TBL1XR1: variants seen among roughly 807,000 people sequenced by gnomAD.
TBL1XR1 encodes the protein TBL1X/Y related 1.
A neutral mutation model predicts 66.9 loss-of-function variants in TBL1XR1; 5 were observed. The observed-to-expected ratio is 0.07, with a 90% CI of 0.04 to 0.16. The LOEUF is 0.16. Ranked by LOEUF, TBL1XR1 falls within the 10% of genes least tolerant of loss-of-function variation. The pLI is 1.00. For synonymous variants in TBL1XR1, 210 were observed against 206.0 expected (o/e 1.02, Z -0.17); for missense variants, 238 against 623.2 (o/e 0.38, Z 6.58).
At chr3:177,163,063 C>T (rs1159347154) in intron 1 of TBL1XR1, among the ~76,000 whole-genome samples, 1 of 152,148 alleles carries the variant, frequency 6.6e-6, no homozygotes, top group African/African-American at 2.4e-5. Context: ...ATACAGATAT[C>T]CTTTTATGCA....
At chr3:177,104,946 C>G (rs894545495) in intron 1 of TBL1XR1, among the ~76,000 whole-genome samples, 1 of 152,156 alleles carries the variant, frequency 6.6e-6, no homozygotes. Flanking sequence ...CTTACAATGA[C>G]CCACAGAGTT....
At chr3:177,027,315 C>T (rs917387957) in intron 14 of TBL1XR1, 5 of 152,162 alleles carry the variant, frequency 3.3e-5, no homozygotes, top group Admixed American at 3.3e-4. Context: ...GTACACTATT[C>T]TTGAAAGACG....
Position 177,021,732 on chromosome 3 carries a change from T to C in TBL1XR1, c.*3766A>G, listed in dbSNP as rs1712399908. 6.6e-6 allele frequency: 1 copy of C among 152,600 alleles called. No individual in the cohort carries two copies. The highest frequency in any genetic ancestry group is 6.5e-5 in the Admixed American group (1 of 15,278). The allele number at this position is 152,600 out of a possible 1,614,324, so 9.5% of individuals were successfully genotyped here. A position where few individuals can be genotyped will look rare whatever the true frequency, so the allele number is the denominator to read the frequency against. On this transcript the variant is annotated 3_prime_UTR_variant, in exon 16 of 16. Coordinates refer to ENST00000457928, the MANE Select transcript of TBL1XR1 (RefSeq NM_024665.7). ...GTAGATTTGCTGCTATTCCACAAAA[T>C]GTTGGCATTTGCTGCCATGCCACAA...
intron 13 of TBL1XR1, among the ~76,000 whole-genome samples, chr3:177,033,420 G>A (rs898207272): frequency 3.3e-5 from 5 of 152,078 alleles, no homozygotes; most frequent in Admixed American, 2.6e-4. Flanking sequence ...AGTAGAAAAC[G>A]TAAATGTGCT....
chr3:177,045,802 C>G (rs1716252775), intron 10 of TBL1XR1, among the ~76,000 whole-genome samples: 1 of 152,070 alleles, frequency 6.6e-6, no homozygotes, highest in African/African-American at 2.4e-5. Flanking sequence ...AAGTGACTTG[C>G]TCAGTCTTAA....
intron 1 of TBL1XR1, among the ~76,000 whole-genome samples, chr3:177,156,422 CCAGGAGGCA>C (rs1239797297): frequency 6.6e-6 from 1 of 151,098 alleles, no homozygotes; most frequent in Non-Finnish European, 1.5e-5. Flanking sequence ...TCCCTTGAAC[CCAGGAGGCA>C]GAGGTTGCAG....
chr3:177,035,941 G>C (rs539993997), intron 12 of TBL1XR1, among the ~76,000 whole-genome samples: 67 of 152,172 alleles, frequency 4.4e-4, no homozygotes, highest in Admixed American at 1.5e-3. Flanking sequence ...CACCATTAGA[G>C]GGTAACTGAC....
At chr3:177,026,284 A>C (rs1576958055) in intron 15 of TBL1XR1, 89 bp downstream of exon 15, 2 of 1,088,658 alleles carry the variant, frequency 1.8e-6, no homozygotes, top group Non-Finnish European at 2.7e-6. Flanking sequence ...TTTATTTTGA[A>C]AAAAACACTT....
chr3:177,135,355 ATATATATATATATATATATATATATATG>A (rs200217088), intron 1 of TBL1XR1, among the ~76,000 whole-genome samples: 19,989 of 58,872 alleles, frequency 0.34, 3,582 homozygotes, highest in East Asian at 0.57. Context: ...ATATATATAT[ATATATATATATATATATATATATATATG>A]TATGTATTTT....
upstream of TBL1XR1, among the ~76,000 whole-genome samples, chr3:177,200,002 C>T (rs1737309560): frequency 6.6e-6 from 1 of 151,412 alleles, no homozygotes; most frequent in Non-Finnish European, 1.5e-5. Flanking sequence ...GGTGGAGTTT[C>T]GCTCTTGTCG....
At chr3:177,061,283 T>A (rs1486591556) in intron 3 of TBL1XR1, among the ~76,000 whole-genome samples, 1 of 152,088 alleles carries the variant, frequency 6.6e-6, no homozygotes, top group East Asian at 1.9e-4. Flanking sequence ...ATTTTGGAGG[T>A]GGGAAACTTT....
rs141597658 is a variant in TBL1XR1 at position 177,128,316 on chromosome 3, T to C, written c.-121-29775A>G. Among the ~76,000 whole-genome samples, 341 of 152,362 alleles carry C rather than the reference T, an allele frequency of 2.2e-3. 9 individuals are homozygous for C. The East Asian group carries it at 0.037, about 17-fold the overall frequency. On this transcript the variant is annotated intron_variant, in intron 1 of 15. Coordinates refer to ENST00000457928, the MANE Select transcript of TBL1XR1 (RefSeq NM_024665.7). ...GTTTTATTTCTTGGTAAATGGCTTA[T>C]TGAGAACTTTGAATAGCAACTTTTG...
In TBL1XR1 at chr3:177,180,740, A is replaced by ATT. The variant is rs201395892; in HGVS notation, c.-122+16379_-122+16380dup. ...TACCAAGATCTCAGATTACCCTGGA[A>ATT]TTTTTTTTTTTTTGAGACGGAGATT... On this transcript the variant is annotated intron_variant, in intron 1 of 15. Transcript: ENST00000457928. 0.048 allele frequency among the ~76,000 whole-genome samples: 7,007 copies of ATT among 145,738 alleles called. 744 individuals carry two copies. The East Asian group carries it at 0.49, about 10-fold the overall frequency.
intron 1 of TBL1XR1, among the ~76,000 whole-genome samples, chr3:177,124,032 G>C (rs1368132394): frequency 6.6e-6 from 1 of 152,040 alleles, no homozygotes; most frequent in African/African-American, 2.4e-5. Flanking sequence ...TGTTGCTAGT[G>C]TCTCTCATTC....
intron 10 of TBL1XR1, 66 bp from the exon 11 acceptor site, chr3:177,038,500 T>C: frequency 1.4e-6 from 2 of 1,399,346 alleles, no homozygotes; most frequent in African/African-American, 2.9e-5. Flanking sequence ...AGTTTTAGCT[T>C]TGAACCATTG....
At chr3:177,045,820 T>C (rs1716255087) in intron 10 of TBL1XR1, among the ~76,000 whole-genome samples, 1 of 152,128 alleles carries the variant, frequency 6.6e-6, no homozygotes, top group South Asian at 2.1e-4. Context: ...TAATAATGCT[T>C]CTTAAGTGGA....
intron 7 of TBL1XR1, 47 bp downstream of exon 7, chr3:177,049,950 T>G (rs1237702326): frequency 6.3e-7 from 1 of 1,595,716 alleles, no homozygotes; most frequent in Non-Finnish European, 8.6e-7. Flanking sequence ...GCTCTGAGGG[T>G]TAGGTATACT....
intron 10 of TBL1XR1, among the ~76,000 whole-genome samples, chr3:177,045,245 T>TTA (rs1433237390): frequency 6.6e-6 from 1 of 152,098 alleles, no homozygotes; most frequent in Non-Finnish European, 1.5e-5. Flanking sequence ...ATAACCAGGG[T>TTA]TATTTTAGTC....
At chr3:177,061,000 C>G (rs1718449969) in intron 3 of TBL1XR1, among the ~76,000 whole-genome samples, 1 of 152,156 alleles carries the variant, frequency 6.6e-6, no homozygotes, top group Non-Finnish European at 1.5e-5. Context: ...ATAGGGAAGT[C>G]CACTTCATAA....
Sources: allele counts gnomAD v4.1 joint callset (sites outside exome capture counted in the v4.1 genomes callset), GRCh38; gene constraint gnomAD v4.1.1; transcripts MANE v1.5; gene names NCBI Gene and HGNC (gene_info 2026-07-23, HGNC 2026-07-21).